The following ADAMTSL1 variants were observed in gnomAD, a reference collection of about 807,000 sequenced individuals.
ADAMTSL1 encodes the protein ADAMTS like 1.
A neutral mutation model predicts 201.8 loss-of-function variants in ADAMTSL1; 126 were observed. That is an observed-to-expected ratio of 0.62 (90% CI 0.54 to 0.72). ADAMTSL1 has a LOEUF of 0.72. Ranked by LOEUF, ADAMTSL1 falls within the 30% of genes least tolerant of loss-of-function variation. The pLI, the probability that ADAMTSL1 is intolerant of heterozygous loss-of-function variation, is 0.00. For synonymous variants in ADAMTSL1, 1,121 were observed against 903.4 expected (o/e 1.24, Z -4.32); for missense variants, 2,679 against 2,277.8 (o/e 1.18, Z -3.59).
At chr9:18,238,647 T>C (rs1830942452) in intron 2 of ADAMTSL1, among the ~76,000 whole-genome samples, 1 of 152,192 alleles carries the variant, frequency 6.6e-6, no homozygotes, top group South Asian at 2.1e-4. Context: ...TCTAATATCA[T>C]AGAAAGAGAG....
intron 2 of ADAMTSL1, among the ~76,000 whole-genome samples, chr9:18,277,113 G>C (rs184518749): frequency 1.3e-5 from 2 of 152,156 alleles, no homozygotes; most frequent in Non-Finnish European, 2.9e-5. Flanking sequence ...AAAGATACTT[G>C]ATATGATTTT....
chr9:18,554,819 A>G (rs1163291816), intron 3 of ADAMTSL1, among the ~76,000 whole-genome samples: 2 of 151,624 alleles, frequency 1.3e-5, no homozygotes, highest in Non-Finnish European at 2.9e-5. Context: ...CCCACTATCA[A>G]TGTCCTGTCC....
chr9:18,866,171 G>A (rs544927235), intron 23 of ADAMTSL1, among the ~76,000 whole-genome samples: 106 of 133,578 alleles, frequency 7.9e-4, no homozygotes, highest in African/African-American at 2.9e-3. Flanking sequence ...AGAAATGTCC[G>A]TGACAGAAAG....
At chr9:18,480,116 C>T (rs1441595915) in intron 1 of ADAMTSL1, among the ~76,000 whole-genome samples, 1 of 152,176 alleles carries the variant, frequency 6.6e-6, no homozygotes. Context: ...GAAAACGATA[C>T]TTACATTAGT....
rs148633725 is a variant in ADAMTSL1, at chr9:18,118,542, C to T, written c.88-45320C>T. On this transcript the variant is annotated intron_variant, in intron 1 of 29. Transcript: ENST00000680146. ...TGGTATGCTCACAGAAGTGGGCCAA[C>T]CAGCTTTCAGTCTGAGATTGCCTTT... is the stretch of plus-strand genomic sequence containing the variant. 3.1e-3 allele frequency among the ~76,000 whole-genome samples: 468 copies of T among 152,228 alleles called. 4 individuals are homozygous for T. The highest frequency in any genetic ancestry group is 0.011 in the African/African-American group (447 of 41,570).
intron 23 of ADAMTSL1, among the ~76,000 whole-genome samples, chr9:18,878,990 C>T (rs1056680123): frequency 6.6e-6 from 1 of 152,180 alleles, no homozygotes; most frequent in African/African-American, 2.4e-5. Flanking sequence ...GGACCAACTA[C>T]TGACAATGGA....
chr9:18,893,623 G>T lies in ADAMTSL1; in HGVS notation c.4851+1027G>T, dbSNP rs73425213. Among the ~76,000 whole-genome samples, 761 of 152,166 alleles carry T rather than the reference G, an allele frequency of 5.0e-3. 8 individuals carry two copies. The highest frequency in any genetic ancestry group is 0.018 in the African/African-American group (737 of 41,444). On this transcript the variant is annotated intron_variant, in intron 26 of 28. Coordinates refer to ENST00000380548, the MANE Select transcript of ADAMTSL1 (RefSeq NM_001040272.6). ...TCAGTGCTGCTAGTCCAAGGGCTACGCTTGAAAGAGTAGCAAGGCTTGAGG... is the reference window on the plus strand; with the variant it reads ...TCAGTGCTGCTAGTCCAAGGGCTACTCTTGAAAGAGTAGCAAGGCTTGAGG...
intron 1 of ADAMTSL1, among the ~76,000 whole-genome samples, chr9:17,957,857 C>A (rs1260468077): frequency 6.6e-6 from 1 of 152,054 alleles, no homozygotes; most frequent in Non-Finnish European, 1.5e-5. Context: ...TCACCCAAAG[C>A]TAAGAAGAGG....
chr9:18,439,491 C>T (rs540516613), intron 2 of ADAMTSL1, among the ~76,000 whole-genome samples: 2 of 152,164 alleles, frequency 1.3e-5, no homozygotes, highest in East Asian at 1.9e-4. Flanking sequence ...CTCAGCCTCC[C>T]GAGTAGCTGG....
At chr9:18,174,172 A>G (rs1282666577) in intron 2 of ADAMTSL1, among the ~76,000 whole-genome samples, 1 of 152,156 alleles carries the variant, frequency 6.6e-6, no homozygotes, top group Non-Finnish European at 1.5e-5. Flanking sequence ...AAATGTCCTT[A>G]ATATAAAGAG....
intron 1 of ADAMTSL1, among the ~76,000 whole-genome samples, chr9:18,479,053 C>T (rs1314360362): frequency 6.6e-6 from 1 of 152,192 alleles, no homozygotes; most frequent in African/African-American, 2.4e-5. Flanking sequence ...TAGGCCAGCA[C>T]AGCTGTGTGG....
intron 1 of ADAMTSL1, among the ~76,000 whole-genome samples, chr9:17,943,217 C>G (rs960718115): frequency 6.6e-6 from 1 of 152,126 alleles, no homozygotes; most frequent in South Asian, 2.1e-4. Flanking sequence ...GCTGGGATTA[C>G]AGGTGTGAGC....
intron 1 of ADAMTSL1, among the ~76,000 whole-genome samples, chr9:18,161,905 T>C (rs915391580): frequency 6.6e-6 from 1 of 152,064 alleles, no homozygotes; most frequent in African/African-American, 2.4e-5. Flanking sequence ...TATTTGTTAG[T>C]TCTTATGAAA....
intron 4 of ADAMTSL1, among the ~76,000 whole-genome samples, chr9:18,579,678 C>T (rs78808229): frequency 6.6e-6 from 1 of 152,024 alleles, no homozygotes; most frequent in Non-Finnish European, 1.5e-5. Flanking sequence ...AATGAGCAGA[C>T]CTTCTGTTAA....
At position 18,681,698 on chromosome 9, in the gene ADAMTSL1, G is replaced by GTGT. The variant is rs66675938; in HGVS notation, c.1342-114_1342-113insTGT. 3.7e-3 allele frequency: 1,199 copies of GTGT among 322,696 alleles called. 15 individuals are homozygous for GTGT. The highest frequency in any genetic ancestry group is 0.01 in the African/African-American group (192 of 18,568). 20.0% of individuals were successfully genotyped at this position (322,696 alleles called of 1,614,324 possible). ...ATAAATTTACCAGGAGTCCTCGTGT[G>GTGT]GGGGGGGGGGGCGGGGAAAAAGAAA... is the stretch of plus-strand genomic sequence containing the variant. On this transcript the variant is annotated intron_variant, in intron 11 of 28. Transcript: ENST00000380548.
At chr9:18,603,473 G>A (rs1008654046) in intron 4 of ADAMTSL1, among the ~76,000 whole-genome samples, 2 of 152,102 alleles carry the variant, frequency 1.3e-5, no homozygotes, top group African/African-American at 2.4e-5. Flanking sequence ...GTCTTGCTCA[G>A]TAGAAGAACA....
At chr9:18,468,942 T>C (rs1821105023) in intron 2 of ADAMTSL1, among the ~76,000 whole-genome samples, 1 of 152,232 alleles carries the variant, frequency 6.6e-6, no homozygotes, top group Admixed American at 6.5e-5. Flanking sequence ...CTAGACACTT[T>C]GCAGGGAAAG....
Position 18,574,341 on chromosome 9 carries a change from C to T in ADAMTSL1, c.474+75C>T, listed in dbSNP as rs369231513. 1.7e-5 allele frequency: 22 copies of T among 1,263,150 alleles called. No individual in the cohort carries two copies. In the East Asian group the frequency reaches 3.0e-4, roughly 17 times the overall value. 78.2% of individuals were successfully genotyped at this position (1,263,150 alleles called of 1,614,324 possible). A position where few individuals can be genotyped will look rare whatever the true frequency, so the allele number is the denominator to read the frequency against. On this transcript the variant is annotated intron_variant, in intron 4 of 28. Transcript: ENST00000380548. ...TTTGTGTAAATGGTTTACATAGTCT[C>T]ACTCTCTGAATCACTCATCTTTACA...
chr9:18,724,911 T>TG (rs1343509527), intron 15 of ADAMTSL1, among the ~76,000 whole-genome samples: 1 of 150,238 alleles, frequency 6.7e-6, no homozygotes, highest in Non-Finnish European at 1.5e-5. Context: ...GATTGAACCT[T>TG]TTTTTTTTCT....
Sources: allele counts gnomAD v4.1 joint callset (sites outside exome capture counted in the v4.1 genomes callset), GRCh38; gene constraint gnomAD v4.1.1; transcripts MANE v1.5; gene names NCBI Gene and HGNC (gene_info 2026-07-23, HGNC 2026-07-21).